The following TERB1 variants were observed in gnomAD, a reference collection of about 807,000 sequenced individuals.
TERB1 encodes the protein telomere repeats-binding bouquet formation protein 1.
TERB1 carries 63 observed loss-of-function variants against 92.3 expected under a neutral mutation model. That is an observed-to-expected ratio of 0.68 (90% CI 0.56 to 0.84). The LOEUF (loss-of-function observed/expected upper bound fraction) is 0.84, where lower values mean the gene tolerates loss of function less well. TERB1 is among the 40% of genes least tolerant of loss of function. The pLI is 0.00. For synonymous variants in TERB1, 252 were observed against 283.9 expected (o/e 0.89, Z 1.13); for missense variants, 709 against 843.7 (o/e 0.84, Z 1.98).
chr16:66,788,369 A>T, intron 5 of TERB1, 72 bp from the exon 6 acceptor site: 5 of 1,272,298 alleles, frequency 3.9e-6, no homozygotes, highest in Non-Finnish European at 4.2e-6. Flanking sequence ...TGAACAAAAT[A>T]AAAAATTGCC....
intron 9 of TERB1, among the ~76,000 whole-genome samples, chr16:66,784,509 T>C (rs2018689731): frequency 6.6e-6 from 1 of 151,856 alleles, no homozygotes; most frequent in African/African-American, 2.4e-5. Context: ...TTTTTTTGTA[T>C]TTTTAGTAGA....
intron 9 of TERB1, among the ~76,000 whole-genome samples, chr16:66,783,291 T>C (rs1348788802): frequency 3.3e-5 from 5 of 152,218 alleles, no homozygotes; most frequent in Non-Finnish European, 5.9e-5. Context: ...AGTTTACAGA[T>C]GTAGGTTGAA....
chr16:66,796,283 G>A (rs1022636362), intron 3 of TERB1, among the ~76,000 whole-genome samples: 2 of 152,154 alleles, frequency 1.3e-5, no homozygotes, highest in Admixed American at 6.5e-5. Flanking sequence ...AAGCATTCTC[G>A]TAAGGTTCTG....
chr16:66,766,028 C>T (rs368010073), intron 16 of TERB1, among the ~76,000 whole-genome samples: 5 of 148,812 alleles, frequency 3.4e-5, no homozygotes, highest in East Asian at 2.0e-4. Flanking sequence ...CCCGCCACCG[C>T]GCCCGGCTAA....
At chr16:66,793,790 G>A (rs1292823373) in intron 3 of TERB1, among the ~76,000 whole-genome samples, 1 of 151,968 alleles carries the variant, frequency 6.6e-6, no homozygotes, top group Non-Finnish European at 1.5e-5. Flanking sequence ...TGGGATTACA[G>A]ACCTGAGCCA....
At chr16:66,784,804 G>C (rs1468487981) in intron 9 of TERB1, among the ~76,000 whole-genome samples, 1 of 140,334 alleles carries the variant, frequency 7.1e-6, no homozygotes. Context: ...AGGCTGGAGT[G>C]CAGTGGTGTG....
Position 66,790,620 on chromosome 16 carries a change from T to C in TERB1, c.246A>G (p.Thr82=). The C allele has an allele frequency of 6.5e-7, 1 of 1,547,936 alleles. No individual in the cohort carries two copies. The highest frequency in any genetic ancestry group is 8.7e-7 in the Non-Finnish European group (1 of 1,144,398). Residue 82 remains threonine, a synonymous_variant, in exon 5 of 19, where the codon ACA becomes ACG. Transcript: ENST00000433154. ...HSMVKEAALY[T]LGAIAEKNVY... ...CATTTTTCTCTGCAATAGCTCCTAA[T>C]GTATATAAGGCTGCTTCTTTTACCA...
chr16:66,769,109 A>G (rs2018399752), intron 14 of TERB1, among the ~76,000 whole-genome samples: 1 of 152,042 alleles, frequency 6.6e-6, no homozygotes, highest in African/African-American at 2.4e-5. Context: ...TTCTCAAAAA[A>G]AAAAAGAAAA....
intron 15 of TERB1, among the ~76,000 whole-genome samples, chr16:66,767,883 G>A (rs894836543): frequency 2.0e-5 from 3 of 151,824 alleles, no homozygotes; most frequent in African/African-American, 7.3e-5. Flanking sequence ...GCCCACCACC[G>A]CACCTGGCTA....
intron 16 of TERB1, among the ~76,000 whole-genome samples, chr16:66,760,579 A>T (rs1179386817): frequency 7.6e-6 from 1 of 130,850 alleles, no homozygotes; most frequent in Non-Finnish European, 1.6e-5. Flanking sequence ...CAAGGTCAGG[A>T]GTTCGAGACC....
At chr16:66,783,521 C>T (rs1001737393) in intron 9 of TERB1, among the ~76,000 whole-genome samples, 1 of 152,166 alleles carries the variant, frequency 6.6e-6, no homozygotes, top group Non-Finnish European at 1.5e-5. Flanking sequence ...TATTAGCCAA[C>T]AGTTTCTCGT....
Position 66,754,900 on chromosome 16 carries a change from G to T in TERB1, c.*76C>A. On this transcript the variant is annotated 3_prime_UTR_variant, in exon 19 of 19. Transcript: ENST00000433154. ...CCACATTCCTTCTCATGAGAGTTTA[G>T]AAAAATACTTTAAATGTATCTTTCA... 7.4e-7 allele frequency: 1 copy of T among 1,342,614 alleles called. No individual in the cohort carries two copies. Among genetic ancestry groups the T allele is most frequent in the Non-Finnish European group, 1.0e-6 (1 of 983,092 alleles). The allele number at this position is 1,342,614 out of a possible 1,614,324, so 83.2% of individuals were successfully genotyped here. A position where few individuals can be genotyped will look rare whatever the true frequency, so the allele number is the denominator to read the frequency against.
chr16:66,790,877 A>G, intron 4 of TERB1, 32 bp downstream of exon 4: 3 of 1,462,778 alleles, frequency 2.1e-6, no homozygotes, highest in Non-Finnish European at 2.8e-6. Flanking sequence ...AAGAACTAGA[A>G]TCACAGATAA....
At chr16:66,766,063 G>A (rs1732799388) in intron 16 of TERB1, among the ~76,000 whole-genome samples, 1 of 147,992 alleles carries the variant, frequency 6.8e-6, no homozygotes, top group African/African-American at 2.5e-5. Flanking sequence ...AGTAGAGACG[G>A]GGTTTCACCT....
chr16:66,758,126 A>G (rs1006599569), intron 18 of TERB1, among the ~76,000 whole-genome samples: 1 of 152,254 alleles, frequency 6.6e-6, no homozygotes, highest in Non-Finnish European at 1.5e-5. Flanking sequence ...CTTACCAAGT[A>G]TTAATAATTA....
chr16:66,766,932 A>G (rs919279525), intron 16 of TERB1, among the ~76,000 whole-genome samples: 9 of 152,166 alleles, frequency 5.9e-5, no homozygotes, highest in African/African-American at 2.2e-4. Flanking sequence ...CAGCTGCCTC[A>G]CCTGGCCCAG....
At chr16:66,757,486 A>G (rs2018156639) in intron 18 of TERB1, among the ~76,000 whole-genome samples, 1 of 152,208 alleles carries the variant, frequency 6.6e-6, no homozygotes, top group Non-Finnish European at 1.5e-5. Flanking sequence ...TGATGTTTCT[A>G]TGAAAAAACA....
intron 11 of TERB1, among the ~76,000 whole-genome samples, chr16:66,776,950 T>C (rs973855310): frequency 2.6e-5 from 4 of 152,088 alleles, no homozygotes; most frequent in African/African-American, 9.7e-5. Flanking sequence ...GGGCCTACTT[T>C]GGAAGAGCAA....
chr16:66,788,392 G>T, intron 5 of TERB1, 95 bp from the exon 6 acceptor site: 1 of 983,602 alleles, frequency 1.0e-6, no homozygotes, highest in South Asian at 1.9e-5. Context: ...ACTGGCGATG[G>T]TTCTTAACCA....
Sources: allele counts gnomAD v4.1 joint callset (sites outside exome capture counted in the v4.1 genomes callset), GRCh38; gene constraint gnomAD v4.1.1; transcripts MANE v1.5; gene names NCBI Gene and HGNC (gene_info 2026-07-23, HGNC 2026-07-21).